NEBL: variants seen among roughly 807,000 people sequenced by gnomAD.
The protein encoded by NEBL is nebulette.
A neutral mutation model predicts 140.2 loss-of-function variants in NEBL; 122 were observed. That is an observed-to-expected ratio of 0.87 (90% CI 0.75 to 1.01). NEBL has a LOEUF of 1.01. NEBL is among the 50% of genes least tolerant of loss of function. The pLI, the probability that NEBL is intolerant of heterozygous loss-of-function variation, is 0.00. For missense variants in NEBL, 1,365 were observed against 1,231.3 expected, an observed-to-expected ratio of 1.11 and a Z score of -1.62; for synonymous variants, 436 against 398.9, an observed-to-expected ratio of 1.09 and a Z score of -1.11.
chr10:21,047,318 A>G (rs1380826000), intron 2 of NEBL, among the ~76,000 whole-genome samples: 4 of 152,228 alleles, frequency 2.6e-5, no homozygotes, highest in African/African-American at 7.2e-5. Flanking sequence ...TACTTGAACA[A>G]GTCACATCCT....
chr10:21,186,359 G>A (rs925537062), intron 3 of NEBL, among the ~76,000 whole-genome samples: 19 of 150,742 alleles, frequency 1.3e-4, no homozygotes, highest in Non-Finnish European at 2.2e-4. Context: ...AATGGTATTC[G>A]GAAGTGGGAC....
chr10:21,128,928 T>C (rs1838968552), intron 2 of NEBL, among the ~76,000 whole-genome samples: 1 of 152,200 alleles, frequency 6.6e-6, no homozygotes, highest in Non-Finnish European at 1.5e-5. Flanking sequence ...GAATATCATA[T>C]AAGCCACATG....
intron 1 of NEBL, among the ~76,000 whole-genome samples, chr10:21,275,158 G>A (rs1033277560): frequency 2.7e-4 from 41 of 152,134 alleles, no homozygotes; most frequent in Non-Finnish European, 8.8e-5. Context: ...CAGCTTTATC[G>A]CGGCCTCATG....
chr10:20,821,183 A>G (rs1461616167), intron 19 of NEBL, among the ~76,000 whole-genome samples: 1 of 152,250 alleles, frequency 6.6e-6, no homozygotes, highest in African/African-American at 2.4e-5. Context: ...GCCAATTTCT[A>G]GTGGATGTAA....
intron 3 of NEBL, among the ~76,000 whole-genome samples, chr10:20,972,691 G>A (rs1836631958): frequency 6.6e-6 from 1 of 151,936 alleles, no homozygotes; most frequent in Non-Finnish European, 1.5e-5. Flanking sequence ...AGGCTGCAGT[G>A]AGCCAAGATC....
At chr10:20,819,115 A>T (rs1194458072) in intron 20 of NEBL, 3 of 975,910 alleles carry the variant, frequency 3.1e-6, no homozygotes, top group East Asian at 1.0e-4. Flanking sequence ...TTTGTTACAC[A>T]GGTGAACTTG....
At chr10:20,971,137 T>C (rs1001102776) in intron 3 of NEBL, among the ~76,000 whole-genome samples, 4 of 152,162 alleles carry the variant, frequency 2.6e-5, no homozygotes, top group African/African-American at 9.7e-5. Flanking sequence ...AAGTCAAAAA[T>C]GGTTTAAGTT....
At chr10:20,934,976 G>T (rs561918686) in intron 4 of NEBL, among the ~76,000 whole-genome samples, 2 of 152,318 alleles carry the variant, frequency 1.3e-5, no homozygotes, top group South Asian at 4.1e-4. Flanking sequence ...CTGGCATGCT[G>T]TGCAATAGTG....
At chr10:20,995,855 G>A (rs1837645997) in intron 3 of NEBL, among the ~76,000 whole-genome samples, 1 of 151,928 alleles carries the variant, frequency 6.6e-6, no homozygotes, top group Admixed American at 6.6e-5. Context: ...TAGATGTTGT[G>A]AGCAGCAATT....
rs551025926 is a variant in NEBL, at chr10:20,781,687, T to C, written c.*4060A>G. The C allele has an allele frequency of 2.0e-4, 31 of 152,742 alleles. No individual in the cohort carries two copies. Among genetic ancestry groups the C allele is most frequent in the African/African-American group, 7.0e-4 (29 of 41,590 alleles). 9.5% of individuals were successfully genotyped at this position (152,742 alleles called of 1,614,324 possible). ...TCCAAGTTTATGGGTTCAAGTAGTCTAAGCATCACAGAATAATAACCACAG... is the reference window on the plus strand; with the variant it reads ...TCCAAGTTTATGGGTTCAAGTAGTCCAAGCATCACAGAATAATAACCACAG... On this transcript the variant is annotated 3_prime_UTR_variant, in exon 28 of 28. Transcript: ENST00000377122.
intron 1 of NEBL, among the ~76,000 whole-genome samples, chr10:21,284,011 C>G (rs953070825): frequency 2.4e-4 from 28 of 114,322 alleles, no homozygotes; most frequent in African/African-American, 7.8e-4. Context: ...CAGCCTGGTT[C>G]AACATAGCAA....
In NEBL at chr10:20,810,025, A is replaced by G. The variant is rs1405474501; in HGVS notation, c.2519-127T>C. Reference sequence around the variant, plus strand: ...AAAGGAATAGATATAAGAAGCAAACATGTAACAGACAAACTCACAGTGCTG... The same window carrying G: ...AAAGGAATAGATATAAGAAGCAAACGTGTAACAGACAAACTCACAGTGCTG... On this transcript the variant is annotated intron_variant, in intron 24 of 27. Transcript: ENST00000377122. 7.2e-6 allele frequency: 5 copies of G among 696,774 alleles called. 1 individual carries two copies. The East Asian group carries it at 1.1e-4, about 15-fold the overall frequency. 43.2% of individuals were successfully genotyped at this position (696,774 alleles called of 1,614,324 possible). A position where few individuals can be genotyped will look rare whatever the true frequency, so the allele number is the denominator to read the frequency against.
At chr10:21,012,411 G>A (rs1000048779) in intron 3 of NEBL, among the ~76,000 whole-genome samples, 8 of 152,258 alleles carry the variant, frequency 5.3e-5, no homozygotes, top group African/African-American at 1.7e-4. Flanking sequence ...CCAGGCTGGA[G>A]TGCAGTGGCA....
At chr10:21,013,538 A>C (rs779741396) in intron 3 of NEBL, among the ~76,000 whole-genome samples, 3 of 152,168 alleles carry the variant, frequency 2.0e-5, no homozygotes, top group Admixed American at 6.5e-5. Flanking sequence ...CTGTCGGGAG[A>C]AGCAGTGTTT....
chr10:21,219,239 G>A (rs1389180470), intron 3 of NEBL, among the ~76,000 whole-genome samples: 1 of 152,166 alleles, frequency 6.6e-6, no homozygotes, highest in Non-Finnish European at 1.5e-5. Flanking sequence ...TTAATTATAA[G>A]TAATAAATGA....
chr10:21,076,965 G>T (rs1327567194), intron 2 of NEBL, among the ~76,000 whole-genome samples: 1 of 152,134 alleles, frequency 6.6e-6, no homozygotes, highest in Non-Finnish European at 1.5e-5. Context: ...AGACGAAAAA[G>T]TTCTAGAAAC....
intron 3 of NEBL, among the ~76,000 whole-genome samples, chr10:21,004,534 CA>C: frequency 1.3e-5 from 2 of 152,234 alleles, no homozygotes; most frequent in South Asian, 2.1e-4. Context: ...CCCTGGCTAA[CA>C]CAGTGAAACC....
chr10:21,204,433 C>CTCTT (rs967109956), intron 3 of NEBL, among the ~76,000 whole-genome samples: 1 of 152,138 alleles, frequency 6.6e-6, no homozygotes, highest in African/African-American at 2.4e-5. Flanking sequence ...TTCTCTCTCT[C>CTCTT]TCTTTCTTTC....
chr10:20,895,122 G>A (rs753362508), intron 2 of NEBL, among the ~76,000 whole-genome samples: 28 of 151,968 alleles, frequency 1.8e-4, no homozygotes, highest in Non-Finnish European at 2.8e-4. Flanking sequence ...CAACATGTTG[G>A]TTTTAAAGTC....
Sources: allele counts gnomAD v4.1 joint callset (sites outside exome capture counted in the v4.1 genomes callset), GRCh38; gene constraint gnomAD v4.1.1; transcripts MANE v1.5; gene names NCBI Gene and HGNC (gene_info 2026-07-23, HGNC 2026-07-21).